Variants in CD5 observed in about 807,000 individuals in gnomAD.
CD5 encodes T-cell surface glycoprotein CD5.
Under a neutral mutation model 60.3 loss-of-function variants are expected in CD5, and 36 were observed. The ratio of observed to expected loss-of-function variants is 0.60; its 90% confidence interval spans 0.46 to 0.79. The LOEUF (loss-of-function observed/expected upper bound fraction) is 0.79, where lower values mean the gene tolerates loss of function less well. Among genes scored for constraint, CD5 ranks in the 30% least tolerant of loss-of-function variants. CD5 has a pLI of 0.00. For synonymous variants in CD5, 230 were observed against 257.6 expected (o/e 0.89, Z 1.03); for missense variants, 540 against 630.6 (o/e 0.86, Z 1.54).
chr11:61,105,846 C>T (rs944334675), intron 1 of CD5, among the ~76,000 whole-genome samples: 1 of 152,090 alleles, frequency 6.6e-6, no homozygotes. Flanking sequence ...CACCAAAGAC[C>T]GGGCATGGTG....
At chr11:61,121,466 AAAG>A (rs1194914746) in intron 5 of CD5, 142 bp from the exon 6 acceptor site, 5 of 563,000 alleles carry the variant, frequency 8.9e-6, no homozygotes, top group Non-Finnish European at 1.4e-5. Flanking sequence ...GAAGGGCAGA[AAAG>A]AAGGCTGCCT....
At chr11:61,102,637 C>T (rs757941626) in intron 1 of CD5, 22 bp downstream of exon 1, 6 of 1,567,588 alleles carry the variant, frequency 3.8e-6, no homozygotes, top group African/African-American at 1.4e-5. Flanking sequence ...TCCCAGGTGT[C>T]CTGCGAACAC....
chr11:61,100,194 C>T (rs202205533), upstream of CD5, among the ~76,000 whole-genome samples: 2 of 137,124 alleles, frequency 1.5e-5, no homozygotes, highest in African/African-American at 5.5e-5. Flanking sequence ...ACATGGAGAT[C>T]ACACACACAT....
intron 2 of CD5, among the ~76,000 whole-genome samples, chr11:61,117,568 A>G (rs534463200): frequency 6.6e-6 from 1 of 151,970 alleles, no homozygotes; most frequent in East Asian, 1.9e-4. Context: ...GGCTCACTGC[A>G]ACCTCTGCCT....
At chr11:61,107,251 G>A (rs1378067453) in intron 1 of CD5, among the ~76,000 whole-genome samples, 2 of 152,182 alleles carry the variant, frequency 1.3e-5, no homozygotes, top group African/African-American at 4.8e-5. Flanking sequence ...AGCGTTGCAG[G>A]CAGAGGGGCC....
upstream of CD5, among the ~76,000 whole-genome samples, chr11:61,100,554 TCA>T (rs773339207): frequency 4.5e-4 from 36 of 79,958 alleles, no homozygotes; most frequent in Admixed American, 1.2e-3. Flanking sequence ...AACATGGAGA[TCA>T]CACACACACA....
intron 1 of CD5, among the ~76,000 whole-genome samples, chr11:61,105,819 G>C (rs1432920839): frequency 6.6e-6 from 1 of 152,158 alleles, no homozygotes; most frequent in East Asian, 1.9e-4. Context: ...AGCTGTTAGA[G>C]AACACAAGTA....
intron 4 of CD5, 76 bp from the exon 5 acceptor site, chr11:61,119,158 G>T: frequency 7.2e-7 from 1 of 1,397,234 alleles, no homozygotes. Context: ...CCACAAGTTG[G>T]GGCCAAACAG....
intron 2 of CD5, among the ~76,000 whole-genome samples, chr11:61,116,505 C>CACA (rs1860950574): frequency 8.6e-6 from 1 of 116,188 alleles, no homozygotes; most frequent in African/African-American, 3.5e-5. Flanking sequence ...CACCACCACA[C>CACA]CACACACACA....
upstream of CD5, among the ~76,000 whole-genome samples, chr11:61,099,211 C>T (rs1261494567): frequency 6.6e-6 from 1 of 152,080 alleles, no homozygotes; most frequent in East Asian, 1.9e-4. Flanking sequence ...GGAGATCACA[C>T]ACCTCAACAC....
At chr11:61,102,720 C>G in intron 1 of CD5, 105 bp downstream of exon 1, 2 of 1,005,046 alleles carry the variant, frequency 2.0e-6, no homozygotes, top group South Asian at 2.9e-5. Flanking sequence ...ACATGTCAGC[C>G]CTCTGGAGCG....
the CD5 span, among the ~76,000 whole-genome samples, chr11:61,096,622 A>G: frequency 1.2e-4 from 18 of 152,332 alleles, no homozygotes; most frequent in Admixed American, 5.9e-4. Context: ...TTGCTTAGCA[A>G]GTTGAGAACC....
Position 61,119,250 on chromosome 11 carries a change from G to A in CD5, c.480G>A (p.Gln160=). ...TPEPTAPPRL[Q]LVAQSGGQHC... is the part of the protein sequence containing the mutation. ...CTCTCCTAGCTCCTCCCAGGCTGCA[G>A]CTGGTGGCACAGTCTGGCGGCCAGC... The change falls in exon 5 of 11, where the codon CAG becomes CAA. Residue 160 remains glutamine (Q), a synonymous_variant. Coordinates refer to ENST00000347785, the MANE Select transcript of CD5 (RefSeq NM_014207.4). The A allele has an allele frequency of 1.2e-6, 2 of 1,603,658 alleles. No homozygotes were observed. The highest frequency in any genetic ancestry group is 1.7e-6 in the Non-Finnish European group (2 of 1,173,980).
At chr11:61,099,507 ACACACATCAACATGGAGATCACATTCG>A (rs1334557558), upstream of CD5, among the ~76,000 whole-genome samples, 111 of 151,248 alleles carry the variant, frequency 7.3e-4, 1 homozygote, top group African/African-American at 2.5e-3. Flanking sequence ...GAGATCACAC[ACACACATCAACATGGAGATCACATTCG>A]CACACATCAA....
chr11:61,116,647 CCCACACACA>C lies in CD5; in HGVS notation c.95-1508_95-1500del, dbSNP rs1565185117. ...CACACACCACACACACCACACACAC[CCCACACACA>C]CCACACACACCACACACACACACTA... is the stretch of plus-strand genomic sequence containing the variant. On this transcript the variant is annotated intron_variant, in intron 2 of 10. Coordinates refer to ENST00000347785, the MANE Select transcript of CD5 (RefSeq NM_014207.4). 1.4e-3 allele frequency among the ~76,000 whole-genome samples: 182 copies of C among 133,382 alleles called. 4 individuals are homozygous for C. The highest frequency in any genetic ancestry group is 6.4e-3 in the East Asian group (29 of 4,520). 87.5% of individuals were successfully genotyped at this position (133,382 alleles called of 152,430 possible).
rs1860995986 is a variant in CD5, at chr11:61,118,396, A to T, written c.316A>T (p.Ile106Phe). The T allele has an allele frequency of 1.2e-6, 2 of 1,614,238 alleles. No individual in the cohort carries two copies. The highest frequency in any genetic ancestry group is 2.7e-5 in the African/African-American group (2 of 75,066). Residue 106 changes from isoleucine (I) to phenylalanine (F), a missense_variant, in exon 3 of 11, where the codon ATC becomes TTC. Coordinates refer to ENST00000347785, the MANE Select transcript of CD5 (RefSeq NM_014207.4). The surrounding 1 kb of genome is among the most constrained non-coding windows in gnomAD (Gnocchi z 4.7). The part of the protein sequence containing the change: ...LVTYTPQSSI[I>F]CYGQLGSFSN... ...CACCTACACACCTCAGAGCTCAATC[A>T]TCTGCTACGGACAACTGGGCTCCTT...
chr11:61,112,789 T>C (rs1860876486), intron 1 of CD5, among the ~76,000 whole-genome samples: 1 of 152,168 alleles, frequency 6.6e-6, no homozygotes, highest in Non-Finnish European at 1.5e-5. Context: ...CACGAAAGGA[T>C]CTTGCAGATT....
chr11:61,098,907 C>T (rs889302701), upstream of CD5, among the ~76,000 whole-genome samples: 1 of 152,148 alleles, frequency 6.6e-6, no homozygotes, highest in Non-Finnish European at 1.5e-5. Flanking sequence ...ATGGGGAGGC[C>T]CCAGGCCCTA....
Position 61,119,229 on chromosome 11 carries a change from C to G in CD5, c.464-5C>G, listed in dbSNP as rs777357086. 3.8e-6 allele frequency: 6 copies of G among 1,587,730 alleles called. No homozygotes were observed. The highest frequency in any genetic ancestry group is 4.3e-6 in the Non-Finnish European group (5 of 1,166,978). The stretch of plus-strand genomic sequence containing the variant: ...GGCTCCCCCTCCTGCTCTCTCCTCT[C>G]CTAGCTCCTCCCAGGCTGCAGCTGG... On this transcript the variant is annotated splice_polypyrimidine_tract_variant and splice_region_variant and intron_variant, in intron 4 of 10. Coordinates refer to ENST00000347785, the MANE Select transcript of CD5 (RefSeq NM_014207.4).
Sources: allele counts gnomAD v4.1 joint callset (sites outside exome capture counted in the v4.1 genomes callset), GRCh38; gene constraint gnomAD v4.1.1; non-coding constraint Gnocchi (gnomAD v3.1); transcripts MANE v1.5; gene names NCBI Gene and HGNC (gene_info 2026-07-23, HGNC 2026-07-21).